The following DGKB variants were observed in gnomAD, a reference collection of about 807,000 sequenced individuals.
DGKB encodes the protein diacylglycerol kinase beta.
Under a neutral mutation model 114.3 loss-of-function variants are expected in DGKB, and 67 were observed. That is an observed-to-expected ratio of 0.59 (90% CI 0.48 to 0.72). The LOEUF is 0.72. Ranked by LOEUF, DGKB falls within the 30% of genes least tolerant of loss-of-function variation. DGKB has a pLI of 0.00. For missense variants in DGKB, 907 were observed against 975.2 expected, an observed-to-expected ratio of 0.93 and a Z score of 0.93; for synonymous variants, 398 against 323.1, an observed-to-expected ratio of 1.23 and a Z score of -2.49.
intron 5 of DGKB, among the ~76,000 whole-genome samples, chr7:14,723,588 T>TAC (rs201946979): frequency 0.036 from 5,359 of 150,752 alleles, 237 homozygotes; most frequent in African/African-American, 0.13. Flanking sequence ...TGTGTGTATA[T>TAC]ACACATACAC....
At chr7:14,167,210 C>CAAA (rs34278386) in intron 25 of DGKB, among the ~76,000 whole-genome samples, 2,815 of 99,228 alleles carry the variant, frequency 0.028, 134 homozygotes, top group African/African-American at 0.074. Context: ...GACTCCATCT[C>CAAA]AAAAAAAAAA....
At chr7:14,177,906 A>T in intron 24 of DGKB, 125 bp downstream of exon 24, 1 of 935,286 alleles carries the variant, frequency 1.1e-6, no homozygotes, top group African/African-American at 1.7e-5. Context: ...GAAATATATT[A>T]GTATTAATAA....
At chr7:14,563,910 C>A (rs1371369964) in intron 20 of DGKB, among the ~76,000 whole-genome samples, 1 of 152,132 alleles carries the variant, frequency 6.6e-6, no homozygotes, top group Non-Finnish European at 1.5e-5. Flanking sequence ...TCACTCTGTG[C>A]TCAGCCAGGG....
Position 14,321,019 on chromosome 7 carries a change from G to C in DGKB, c.2122+17496C>G, listed in dbSNP as rs117171258. ...ATTTAAAAATTCAGCAGCCAGGAAA[G>C]GTGGCTCATGCCAGTAATCACAGCA... On this transcript the variant is annotated intron_variant, in intron 23 of 25. Coordinates refer to ENST00000402815, the MANE Select transcript of DGKB (RefSeq NM_001350709.2). Among the ~76,000 whole-genome samples, 3 of 152,300 alleles carry C rather than the reference G, an allele frequency of 2.0e-5. No homozygotes were observed. In the East Asian group the frequency reaches 5.8e-4, roughly 29 times the overall value.
chr7:14,536,471 A>G (rs1223747838), intron 20 of DGKB, among the ~76,000 whole-genome samples: 2 of 152,212 alleles, frequency 1.3e-5, no homozygotes, highest in African/African-American at 4.8e-5. Context: ...ACCATGACCA[A>G]GTGATATTTA....
chr7:14,154,658 A>AAGTAG (rs1408285322), intron 25 of DGKB, among the ~76,000 whole-genome samples: 2 of 151,836 alleles, frequency 1.3e-5, no homozygotes. Flanking sequence ...AGCACTAAGT[A>AAGTAG]AGTAGAGTAT....
intron 7 of DGKB, among the ~76,000 whole-genome samples, chr7:14,701,307 T>C (rs757269904): frequency 3.3e-5 from 5 of 152,230 alleles, no homozygotes; most frequent in Middle Eastern, 3.2e-3. Context: ...ATTCTACTTA[T>C]AGTCTCAAGT....
chr7:14,313,610 G>C (rs1293012120), intron 23 of DGKB, among the ~76,000 whole-genome samples: 1 of 152,166 alleles, frequency 6.6e-6, no homozygotes, highest in Non-Finnish European at 1.5e-5. Flanking sequence ...GATTATATCC[G>C]CACCTGGCTC....
At chr7:14,829,933 C>T (rs1034300352) in intron 2 of DGKB, among the ~76,000 whole-genome samples, 4 of 151,942 alleles carry the variant, frequency 2.6e-5, no homozygotes, top group African/African-American at 9.7e-5. Context: ...GTCTTTGAAA[C>T]CAAGGGAGGG....
intron 1 of DGKB, among the ~76,000 whole-genome samples, chr7:14,882,214 A>G (rs1179199854): frequency 1.3e-5 from 2 of 152,004 alleles, no homozygotes; most frequent in East Asian, 1.9e-4. Flanking sequence ...GAAATCGAGG[A>G]TAAGAGAAAA....
At chr7:14,644,019 C>T (rs570216848) in intron 13 of DGKB, among the ~76,000 whole-genome samples, 1 of 152,104 alleles carries the variant, frequency 6.6e-6, no homozygotes, top group African/African-American at 2.4e-5. Flanking sequence ...GACTGGCCTA[C>T]CTGGGCTCTC....
chr7:14,496,029 A>T (rs571508292), intron 20 of DGKB, among the ~76,000 whole-genome samples: 1 of 151,836 alleles, frequency 6.6e-6, no homozygotes, highest in East Asian at 1.9e-4. Context: ...ATACTTTTTG[A>T]CTACACAGTG....
At chr7:14,631,983 A>C (rs561219535) in intron 13 of DGKB, among the ~76,000 whole-genome samples, 1 of 152,094 alleles carries the variant, frequency 6.6e-6, no homozygotes, top group East Asian at 1.9e-4. Flanking sequence ...CCAGAGCCTG[A>C]GTCAGAGATG....
chr7:14,399,256 T>C (rs1204019309), intron 21 of DGKB, among the ~76,000 whole-genome samples: 2 of 151,746 alleles, frequency 1.3e-5, no homozygotes, highest in Admixed American at 1.3e-4. Flanking sequence ...AACAAAATGT[T>C]AGTATTCATT....
chr7:14,564,226 T>G (rs535489807), intron 20 of DGKB, among the ~76,000 whole-genome samples: 3 of 152,256 alleles, frequency 2.0e-5, no homozygotes, highest in Admixed American at 2.0e-4. Flanking sequence ...GCCATTAGTG[T>G]TCCACCTGGA....
At chr7:14,359,384 A>T (rs1047051904) in intron 21 of DGKB, among the ~76,000 whole-genome samples, 6 of 152,156 alleles carry the variant, frequency 3.9e-5, no homozygotes, top group African/African-American at 1.4e-4. Flanking sequence ...AACCTAGGCA[A>T]TACCATTCTG....
chr7:14,252,279 A>ATAT (rs1270615599), intron 23 of DGKB, among the ~76,000 whole-genome samples: 2 of 152,054 alleles, frequency 1.3e-5, no homozygotes, highest in Non-Finnish European at 2.9e-5. Context: ...TTTAAGATGA[A>ATAT]TATTTAAAAT....
At chr7:14,296,365 TG>T (rs1442694125) in intron 23 of DGKB, among the ~76,000 whole-genome samples, 1 of 152,126 alleles carries the variant, frequency 6.6e-6, no homozygotes, top group African/African-American at 2.4e-5. Flanking sequence ...TAGTATTCCA[TG>T]GTATATTTGT....
intron 21 of DGKB, among the ~76,000 whole-genome samples, chr7:14,457,341 C>G (rs1832427845): frequency 6.6e-6 from 1 of 152,084 alleles, no homozygotes; most frequent in South Asian, 2.1e-4. Context: ...ATTTTCTTAT[C>G]TAACTGGGTA....
Sources: allele counts gnomAD v4.1 joint callset (sites outside exome capture counted in the v4.1 genomes callset), GRCh38; gene constraint gnomAD v4.1.1; transcripts MANE v1.5; gene names NCBI Gene and HGNC (gene_info 2026-07-23, HGNC 2026-07-21).